The following CHCHD6 variants were observed in gnomAD, a reference collection of about 807,000 sequenced individuals.
CHCHD6 encodes coiled-coil-helix-coiled-coil-helix domain containing 6, also known as MICOS complex subunit MIC25.
CHCHD6 carries 28 observed loss-of-function variants against 32.3 expected under a neutral mutation model. That is an observed-to-expected ratio of 0.87 (90% CI 0.64 to 1.19). CHCHD6 has a LOEUF of 1.19. Among genes scored for constraint, CHCHD6 ranks in the 50% most tolerant of loss-of-function variants. CHCHD6 has a pLI of 0.00. For synonymous variants in CHCHD6, 122 were observed against 117.5 expected, an observed-to-expected ratio of 1.04 and a Z score of -0.25; for missense variants, 333 against 307.0, an observed-to-expected ratio of 1.08 and a Z score of -0.63.
At chr3:126,821,320 A>G (rs1940139807) in intron 4 of CHCHD6, among the ~76,000 whole-genome samples, 1 of 152,166 alleles carries the variant, frequency 6.6e-6, no homozygotes, top group Non-Finnish European at 1.5e-5. Context: ...TTCTCAGTAG[A>G]ATTACTCAGA....
chr3:126,743,255 A>G (rs1335104133), intron 4 of CHCHD6, among the ~76,000 whole-genome samples: 2 of 152,146 alleles, frequency 1.3e-5, no homozygotes, highest in African/African-American at 2.4e-5. Context: ...GGAGATGTGC[A>G]TGTGTATTCT....
chr3:126,711,986 A>G (rs1934769407), intron 1 of CHCHD6, among the ~76,000 whole-genome samples: 1 of 152,222 alleles, frequency 6.6e-6, no homozygotes, highest in African/African-American at 2.4e-5. Context: ...ACAAGTGCTG[A>G]GGCATTAGAA....
intron 5 of CHCHD6, among the ~76,000 whole-genome samples, chr3:126,909,706 C>A (rs2078058958): frequency 6.6e-6 from 1 of 152,176 alleles, no homozygotes; most frequent in Non-Finnish European, 1.5e-5. Flanking sequence ...GAAAAGACTG[C>A]AAATTTGGGA....
chr3:126,762,138 C>G (rs1467030693), intron 4 of CHCHD6, among the ~76,000 whole-genome samples: 1 of 152,078 alleles, frequency 6.6e-6, no homozygotes, highest in Non-Finnish European at 1.5e-5. Context: ...CTATTCTCTG[C>G]TTCATTTATC....
chr3:126,771,273 C>T (rs886636637), intron 4 of CHCHD6, among the ~76,000 whole-genome samples: 3 of 149,256 alleles, frequency 2.0e-5, no homozygotes, highest in South Asian at 2.1e-4. Context: ...GGCGCAATCT[C>T]GGCTCACTGC....
chr3:126,776,684 T>C (rs1229977132), intron 4 of CHCHD6, among the ~76,000 whole-genome samples: 1 of 152,222 alleles, frequency 6.6e-6, no homozygotes, highest in East Asian at 1.9e-4. Context: ...TCATATCAAC[T>C]CTGAGTAGTT....
chr3:126,846,749 T>G (rs80005423), intron 4 of CHCHD6, among the ~76,000 whole-genome samples: 4,605 of 152,330 alleles, frequency 0.03, 98 homozygotes, highest in Non-Finnish European at 0.039. Flanking sequence ...TTTGTATTAA[T>G]TCCAGTCTGG....
chr3:126,829,220 G>T (rs1940532592), intron 4 of CHCHD6, among the ~76,000 whole-genome samples: 1 of 152,072 alleles, frequency 6.6e-6, no homozygotes, highest in South Asian at 2.1e-4. Flanking sequence ...TTCTATGCAG[G>T]TTGTGGAACT....
intron 6 of CHCHD6, among the ~76,000 whole-genome samples, chr3:126,948,089 T>C (rs908937074): frequency 2.6e-5 from 4 of 152,154 alleles, no homozygotes; most frequent in African/African-American, 9.7e-5. Flanking sequence ...AGAGATACAT[T>C]GGTCCCCCGG....
chr3:126,765,893 C>T (rs371361227), intron 4 of CHCHD6, among the ~76,000 whole-genome samples: 65 of 152,344 alleles, frequency 4.3e-4, no homozygotes, highest in African/African-American at 1.5e-3. Flanking sequence ...GAACCAACAC[C>T]GGCTTAGGCC....
At chr3:126,907,311 A>G (rs1287230325) in intron 5 of CHCHD6, among the ~76,000 whole-genome samples, 1 of 152,196 alleles carries the variant, frequency 6.6e-6, no homozygotes, top group Admixed American at 6.5e-5. Flanking sequence ...AGATGACAGC[A>G]CAGTAGGGCA....
chr3:126,861,334 G>A (rs1321118648), intron 5 of CHCHD6, among the ~76,000 whole-genome samples: 2 of 151,944 alleles, frequency 1.3e-5, no homozygotes, highest in Non-Finnish European at 1.5e-5. Context: ...TGTACTAACC[G>A]TTATAACCTC....
At chr3:126,917,492 A>G (rs2078188796) in intron 6 of CHCHD6, among the ~76,000 whole-genome samples, 1 of 152,206 alleles carries the variant, frequency 6.6e-6, no homozygotes, top group Admixed American at 6.5e-5. Context: ...TTAGCAAGTC[A>G]CTTCACTTCT....
At chr3:126,849,071 C>G (rs143872796) in intron 4 of CHCHD6, among the ~76,000 whole-genome samples, 1 of 152,290 alleles carries the variant, frequency 6.6e-6, no homozygotes. Context: ...CATTTGTGGT[C>G]CAGGGGCGGG....
chr3:126,840,846 ACT>A (rs980305727), intron 4 of CHCHD6, among the ~76,000 whole-genome samples: 6 of 151,542 alleles, frequency 4.0e-5, no homozygotes, highest in African/African-American at 1.5e-4. Context: ...GGGTTAGGAA[ACT>A]CTGGCATAGA....
At chr3:126,804,797 C>T (rs13067786) in intron 4 of CHCHD6, among the ~76,000 whole-genome samples, 6,806 of 152,028 alleles carry the variant, frequency 0.045, 204 homozygotes, top group Non-Finnish European at 0.065. Flanking sequence ...TGCAAAAATC[C>T]TCAATAAAAT....
At chr3:126,919,475 G>C (rs968542197) in intron 6 of CHCHD6, among the ~76,000 whole-genome samples, 1 of 151,362 alleles carries the variant, frequency 6.6e-6, no homozygotes, top group African/African-American at 2.4e-5. Context: ...CACCACATTC[G>C]GCTAACTTTT....
intron 5 of CHCHD6, among the ~76,000 whole-genome samples, chr3:126,891,080 T>C (rs945867366): frequency 2.0e-5 from 3 of 152,146 alleles, no homozygotes; most frequent in African/African-American, 4.8e-5. Context: ...GAGTTAGCAA[T>C]AAACAAGACA....
chr3:126,947,354 T>C (rs1040457926), intron 6 of CHCHD6, among the ~76,000 whole-genome samples: 1 of 152,214 alleles, frequency 6.6e-6, no homozygotes, highest in African/African-American at 2.4e-5. Context: ...CCAATGGGAG[T>C]TGGCAAGCTT....
Sources: allele counts gnomAD v4.1 joint callset (sites outside exome capture counted in the v4.1 genomes callset), GRCh38; gene constraint gnomAD v4.1.1; transcripts MANE v1.5; gene names NCBI Gene and HGNC (gene_info 2026-07-23, HGNC 2026-07-21).